Variants in PAN3 observed in about 807,000 individuals in gnomAD.
PAN3 encodes the protein poly(A) specific ribonuclease subunit PAN3.
Under a neutral mutation model 96.2 loss-of-function variants are expected in PAN3, and 19 were observed. The ratio of observed to expected loss-of-function variants is 0.20; its 90% CI spans 0.14 to 0.29. The LOEUF (loss-of-function observed/expected upper bound fraction) is 0.29, where lower values mean the gene tolerates loss of function less well. PAN3 is among the 10% of genes least tolerant of loss of function. PAN3 has a pLI of 1.00. For missense variants in PAN3, 882 were observed against 1,108.1 expected (o/e 0.80, Z 2.90); for synonymous variants, 433 against 406.6 (o/e 1.06, Z -0.78).
chr13:28,215,136 A>G lies in PAN3; in HGVS notation c.853-5095A>G, dbSNP rs1880570819. ...CAACATGCTGGAGCCAAGTGCTAACATGCCTTGGTTCAAGGGATGGAAAGT... is the reference window on the plus strand; with the variant it reads ...CAACATGCTGGAGCCAAGTGCTAACGTGCCTTGGTTCAAGGGATGGAAAGT... On this transcript the variant is annotated intron_variant, in intron 5 of 18. Coordinates refer to ENST00000380958, the MANE Select transcript of PAN3 (RefSeq NM_175854.8). 13 of 754,054 alleles carry G rather than the reference A, an allele frequency of 1.7e-5. No individual in the cohort carries two copies. In the Admixed American group the frequency reaches 2.0e-4, roughly 11 times the overall value. The allele number at this position is 754,054 out of a possible 1,614,324, so 46.7% of individuals were successfully genotyped here.
intron 1 of PAN3, among the ~76,000 whole-genome samples, chr13:28,150,735 A>G (rs1239890384): frequency 6.6e-6 from 1 of 152,198 alleles, no homozygotes; most frequent in African/African-American, 2.4e-5. Context: ...TGGGCTAATA[A>G]TAAATGGAGA....
Position 28,138,756 on chromosome 13 carries a change from CGGGGGTGT to C in PAN3, c.100_107del (p.Gly34ProfsTer18). Reference sequence around the variant, plus strand: ...TGGCGGTGGTGGCCCCGCCGGGGGTCGGGGGTGTCCCCGGCGGGGCGGCGGTAGGAGTG... The same window carrying C: ...TGGCGGTGGTGGCCCCGCCGGGGGTCCCCCGGCGGGGCGGCGGTAGGAGTG... On this transcript the variant is annotated frameshift_variant, in exon 1 of 19. Coordinates refer to ENST00000380958, the MANE Select transcript of PAN3 (RefSeq NM_175854.8). LOFTEE classifies it high-confidence loss of function. 1 of 1,322,086 alleles carries C rather than the reference CGGGGGTGT, an allele frequency of 7.6e-7. No homozygotes were observed. The highest frequency in any genetic ancestry group is 9.6e-7 in the Non-Finnish European group (1 of 1,039,286). 81.9% of individuals were successfully genotyped at this position (1,322,086 alleles called of 1,614,324 possible).
chr13:28,184,436 G>C (rs889047663), intron 4 of PAN3, among the ~76,000 whole-genome samples: 13 of 152,114 alleles, frequency 8.5e-5, no homozygotes, highest in African/African-American at 2.9e-4. Flanking sequence ...AGGGTAAGTT[G>C]ACTGAGTTTA....
At chr13:28,244,540 C>T (rs1211384441) in intron 6 of PAN3, among the ~76,000 whole-genome samples, 1 of 152,014 alleles carries the variant, frequency 6.6e-6, no homozygotes, top group Non-Finnish European at 1.5e-5. Flanking sequence ...AAAGTATAAC[C>T]TTTATGTTTT....
intron 8 of PAN3, among the ~76,000 whole-genome samples, chr13:28,261,114 T>A (rs796840843): frequency 2.6e-5 from 4 of 152,362 alleles, no homozygotes; most frequent in African/African-American, 9.6e-5. Context: ...CTAGTAGACC[T>A]TGAATTTTCA....
intron 8 of PAN3, among the ~76,000 whole-genome samples, chr13:28,261,010 T>C (rs1885674810): frequency 6.6e-6 from 1 of 152,232 alleles, no homozygotes; most frequent in African/African-American, 2.4e-5. Flanking sequence ...GTATGTAGAA[T>C]TTCACTTTAC....
At chr13:28,290,451 GTGCA>G in intron 18 of PAN3, among the ~76,000 whole-genome samples, 1 of 152,166 alleles carries the variant, frequency 6.6e-6, no homozygotes, top group Non-Finnish European at 1.5e-5. Flanking sequence ...GGAGGCCCAG[GTGCA>G]CGGATCACCT....
At chr13:28,174,007 G>T (rs1199633865) in intron 1 of PAN3, among the ~76,000 whole-genome samples, 1 of 152,208 alleles carries the variant, frequency 6.6e-6, no homozygotes, top group Non-Finnish European at 1.5e-5. Flanking sequence ...GCAAGTGGTA[G>T]AAACTTAATC....
At chr13:28,154,828 C>CT (rs1234313000) in intron 1 of PAN3, among the ~76,000 whole-genome samples, 2,397 of 124,880 alleles carry the variant, frequency 0.019, 87 homozygotes, top group African/African-American at 0.066. Context: ...TTTTTCTTTT[C>CT]TTTTTTTTTT....
chr13:28,274,445 GC>G (rs561523702), intron 14 of PAN3, among the ~76,000 whole-genome samples: 6 of 150,794 alleles, frequency 4.0e-5, no homozygotes, highest in Non-Finnish European at 8.8e-5. Flanking sequence ...CATTTTTAGA[GC>G]CAGTACCATC....
intron 14 of PAN3, among the ~76,000 whole-genome samples, chr13:28,273,325 G>A (rs1886787152): frequency 6.6e-6 from 1 of 152,162 alleles, no homozygotes; most frequent in South Asian, 2.1e-4. Context: ...CTTTAGGCCA[G>A]GTGTGGTGGC....
At chr13:28,222,834 A>G (rs531553901) in intron 6 of PAN3, among the ~76,000 whole-genome samples, 4 of 152,294 alleles carry the variant, frequency 2.6e-5, no homozygotes, top group African/African-American at 7.2e-5. Context: ...TAAAGTTTCT[A>G]TCCCCAAAAC....
At chr13:28,205,204 A>G (rs1246772723) in intron 5 of PAN3, among the ~76,000 whole-genome samples, 1 of 152,098 alleles carries the variant, frequency 6.6e-6, no homozygotes, top group Non-Finnish European at 1.5e-5. Context: ...GCCACAGGAA[A>G]TGGGATAATG....
At chr13:28,167,093 T>A (rs9582008) in intron 1 of PAN3, among the ~76,000 whole-genome samples, 8,354 of 148,402 alleles carry the variant, frequency 0.056, 286 homozygotes, top group South Asian at 0.15. Context: ...TTTTTTTTTT[T>A]TTTTTTTTTT....
At position 28,292,516 on chromosome 13, in the gene PAN3, G is replaced by C; in HGVS notation, c.2658G>C (p.Gln886His). The C allele has an allele frequency of 6.2e-7, 1 of 1,606,224 alleles. No individual in the cohort carries two copies. The highest frequency in any genetic ancestry group is 1.3e-5 in the African/African-American group (1 of 74,812). Residue 886 changes from glutamine (Q) to histidine (H), a missense_variant, in exon 19 of 19, where the codon CAG becomes CAC. By Grantham distance (24) the Gln-to-His change is conservative. Around this residue, in one of 3 missense-constraint regions of PAN3, gnomAD observed 76 missense variants for 171.7 expected, o/e 0.44. Transcript: ENST00000380958. ...AACTGATTGCAGCTGCAAATGGTCA[G>C]TTGTAGTATTTGCTAAAAAAGCACG... ...FQELIAAANGQL is the reference protein window; with the variant it reads ...FQELIAAANGHL
At chr13:28,160,065 C>T (rs1593381755) in intron 1 of PAN3, among the ~76,000 whole-genome samples, 1 of 151,984 alleles carries the variant, frequency 6.6e-6, no homozygotes, top group African/African-American at 2.4e-5. Flanking sequence ...ACTCAGCCTC[C>T]CAAGTAGCTG....
At chr13:28,186,517 A>G (rs1204510448) in intron 4 of PAN3, among the ~76,000 whole-genome samples, 1 of 152,052 alleles carries the variant, frequency 6.6e-6, no homozygotes, top group Non-Finnish European at 1.5e-5. Flanking sequence ...AGTTATTGTT[A>G]TAGTCTCCTA....
intron 1 of PAN3, among the ~76,000 whole-genome samples, chr13:28,171,360 A>T (rs1159593756): frequency 6.6e-6 from 1 of 152,174 alleles, no homozygotes; most frequent in East Asian, 1.9e-4. Flanking sequence ...TTCTCTGGTT[A>T]CCACATGGGT....
intron 5 of PAN3, among the ~76,000 whole-genome samples, chr13:28,201,640 T>C (rs1302133830): frequency 2.6e-5 from 4 of 152,068 alleles, no homozygotes; most frequent in African/African-American, 7.2e-5. Flanking sequence ...CCTCAAGTGA[T>C]CCTTCCACCT....
Sources: gnomAD v4.1 joint callset for allele counts (sites outside exome capture counted in the v4.1 genomes callset) on GRCh38, gnomAD v4.1.1 for gene constraint, gnomAD v4.1.1 regional missense constraint, MANE v1.5 for transcripts, NCBI Gene and HGNC (gene_info 2026-07-23, HGNC 2026-07-21) for gene names.